The following NUDT1 variants were observed in gnomAD, a reference collection of about 807,000 sequenced individuals.
NUDT1 encodes oxidized purine nucleoside triphosphate hydrolase.
A neutral mutation model predicts 11.3 loss-of-function variants in NUDT1; 16 were observed. That is an observed-to-expected ratio of 1.41 (90% confidence interval 0.96 to 2.15). The LOEUF is 2.15. Among genes scored for constraint, NUDT1 ranks in the 30% most tolerant of loss-of-function variants. NUDT1 has a pLI of 0.00. For synonymous variants in NUDT1, 101 were observed against 84.4 expected (o/e 1.20, Z -1.08); for missense variants, 234 against 208.4 (o/e 1.12, Z -0.76).
chr7:2,248,788 G>A (rs34829180), intron 2 of NUDT1, among the ~76,000 whole-genome samples: 4,292 of 152,230 alleles, frequency 0.028, 78 homozygotes, highest in Middle Eastern at 0.099. Flanking sequence ...CGGAGCTCAA[G>A]CAATCAATCC....
chr7:2,242,853 A>C, intron 1 of NUDT1: 1 of 682,536 alleles, frequency 1.5e-6, no homozygotes, highest in Non-Finnish European at 2.7e-6. Context: ...TTAGCCTTGT[A>C]GGTGGCTTGT....
At chr7:2,242,996 G>A (rs1308570201) in intron 1 of NUDT1, 2 of 717,068 alleles carry the variant, frequency 2.8e-6, no homozygotes, top group Non-Finnish European at 5.2e-6. Context: ...GGTTTTATGA[G>A]TGGAATTAGC....
intron 1 of NUDT1, among the ~76,000 whole-genome samples, chr7:2,243,340 G>A (rs1157116337): frequency 1.3e-5 from 2 of 152,160 alleles, no homozygotes; most frequent in Non-Finnish European, 2.9e-5. Context: ...GTGGAGCCCT[G>A]GCCAGAGACC....
intron 1 of NUDT1, among the ~76,000 whole-genome samples, chr7:2,243,557 G>A (rs984239959): frequency 6.6e-6 from 1 of 152,012 alleles, no homozygotes; most frequent in Non-Finnish European, 1.5e-5. Context: ...TGGATCGCTT[G>A]AGCTCAGGAG....
In NUDT1 at chr7:2,244,721, T is replaced by C. The variant is rs1232759189; in HGVS notation, c.147T>C (p.Ala49=). ...VQEGETIEDG[A]RRELQEESGL... is the part of the protein sequence containing the mutation. ...AAGGAGAGACCATCGAGGATGGGGCTAGGAGGTAAGGATGGGGCAGGTCTG... is the reference window on the plus strand; with the variant it reads ...AAGGAGAGACCATCGAGGATGGGGCCAGGAGGTAAGGATGGGGCAGGTCTG... The change falls in exon 2 of 4, where the codon GCT becomes GCC. Residue 49 remains alanine, a synonymous_variant. Coordinates refer to ENST00000356714, the MANE Select transcript of NUDT1 (RefSeq NM_002452.4). 3.1e-6 allele frequency: 5 copies of C among 1,609,236 alleles called. No homozygotes were observed. Among genetic ancestry groups the C allele is most frequent in the Non-Finnish European group, 4.2e-6 (5 of 1,178,378 alleles).
Position 2,244,631 on chromosome 7 carries a change from C to G in NUDT1, c.57C>G (p.Leu19=), listed in dbSNP as rs756823182. 1.9e-6 allele frequency: 3 copies of G among 1,613,866 alleles called. No homozygotes were observed. In the East Asian group the frequency reaches 6.7e-5, roughly 36 times the overall value. Residue 19 remains leucine, a synonymous_variant, in exon 2 of 4, where the codon CTC becomes CTG. Coordinates refer to ENST00000356714, the MANE Select transcript of NUDT1 (RefSeq NM_002452.4). ...TGGTCCTGCAGCCTCAGCGAGTTCT[C>G]CTGGGCATGAAAAAGCGAGGCTTCG... ...LVLVLQPQRV[L]LGMKKRGFGA... is the part of the protein sequence containing the mutation.
At chr7:2,242,420 A>G (rs2115047867) in intron 1 of NUDT1, 164 bp downstream of exon 1, 1 of 491,978 alleles carries the variant, frequency 2.0e-6, no homozygotes, top group Admixed American at 4.0e-5. Context: ...CTCGAGGGAG[A>G]CGAGGAGAGC....
At chr7:2,244,753 G>A (rs963004798) in intron 2 of NUDT1, 27 bp downstream of exon 2, 1 of 1,593,664 alleles carries the variant, frequency 6.3e-7, no homozygotes, top group Non-Finnish European at 8.5e-7. Flanking sequence ...TCTGGCCATA[G>A]AACCGGCTTT....
chr7:2,248,547 CTTTTT>C (rs11393832), intron 2 of NUDT1, among the ~76,000 whole-genome samples: 37 of 122,576 alleles, frequency 3.0e-4, no homozygotes, highest in Admixed American at 1.5e-3. Flanking sequence ...ATGATGTTTG[CTTTTT>C]TTTTTTTTTT....
chr7:2,242,712 G>C (rs1025916232), intron 1 of NUDT1: 7 of 425,748 alleles, frequency 1.6e-5, no homozygotes, highest in Admixed American at 1.1e-4. Context: ...TCAGTGCCCC[G>C]CTTCTCAAGC....
rs4866 is a variant in NUDT1, at chr7:2,249,951, G to A, written c.247G>A (p.Val83Met). The change falls in exon 3 of 4, where the codon GTG (valine) becomes ATG (methionine). Residue 83 changes from valine (V) to methionine (M), a missense_variant. Val to Met is a conservative substitution (Grantham distance 21). Transcript: ENST00000356714. ...EFVGEPELMD[V>M]HVFCTDSIQG... ...CGTGGGCGAGCCTGAGCTCATGGAC[G>A]TGCATGTCTTCTGCACAGACAGCAT... 0.014 allele frequency: 22,781 copies of A among 1,614,176 alleles called. 475 individuals are homozygous for A. The highest frequency in any genetic ancestry group is 0.066 in the East Asian group (2,965 of 44,880).
chr7:2,243,247 G>A (rs538951299), intron 1 of NUDT1, among the ~76,000 whole-genome samples: 1 of 152,166 alleles, frequency 6.6e-6, no homozygotes. Flanking sequence ...GGACGGGGAC[G>A]TGGCGGGCTC....
chr7:2,246,744 G>A (rs1178557483), intron 2 of NUDT1, among the ~76,000 whole-genome samples: 2 of 152,182 alleles, frequency 1.3e-5, no homozygotes, highest in African/African-American at 2.4e-5. Context: ...GGTTTGAGGG[G>A]GGGAACTGAG....
rs757129408 is a variant in NUDT1, at chr7:2,244,682, G to A, written c.108G>A (p.Gly36=). The change falls in exon 2 of 4, where the codon GGG becomes GGA. Residue 36 remains glycine, a synonymous_variant. Coordinates refer to ENST00000356714, the MANE Select transcript of NUDT1 (RefSeq NM_002452.4). Reference sequence around the variant, plus strand: ...GGGCCGGCCGGTGGAATGGCTTTGGGGGCAAAGTGCAAGAAGGAGAGACCA... The same window carrying A: ...GGGCCGGCCGGTGGAATGGCTTTGGAGGCAAAGTGCAAGAAGGAGAGACCA... ...GFGAGRWNGF[G]GKVQEGETIE... is the part of the protein sequence containing the mutation. 6.2e-7 allele frequency: 1 copy of A among 1,613,290 alleles called. No homozygotes were observed. Among genetic ancestry groups the A allele is most frequent in the Admixed American group, 1.7e-5 (1 of 59,880 alleles).
intron 2 of NUDT1, among the ~76,000 whole-genome samples, chr7:2,245,822 G>A (rs1354981185): frequency 6.7e-6 from 1 of 150,218 alleles, no homozygotes; most frequent in Non-Finnish European, 1.5e-5. Context: ...GCAGGTGTGG[G>A]CCACTGGCTT....
At chr7:2,242,637 A>C (rs976421611) in intron 1 of NUDT1, 5 of 344,080 alleles carry the variant, frequency 1.5e-5, no homozygotes, top group Admixed American at 4.4e-5. Context: ...ACCCAGTCTC[A>C]GTGAAATGGG....
Position 2,251,053 on chromosome 7 carries a change from A to G in NUDT1, c.*52A>G. ...GGAGACGTGGCTGCTGAACAGCCGCAAACCATCTTCACCTGGGGGCATTGA... is the reference window on the plus strand; with the variant it reads ...GGAGACGTGGCTGCTGAACAGCCGCGAACCATCTTCACCTGGGGGCATTGA... On this transcript the variant is annotated 3_prime_UTR_variant, in exon 4 of 4. Coordinates refer to ENST00000356714, the MANE Select transcript of NUDT1 (RefSeq NM_002452.4). 1 of 1,582,706 alleles carries G rather than the reference A, an allele frequency of 6.3e-7. No individual in the cohort carries two copies. The highest frequency in any genetic ancestry group is 8.7e-7 in the Non-Finnish European group (1 of 1,153,228).
At chr7:2,246,503 C>T (rs1218068821) in intron 2 of NUDT1, among the ~76,000 whole-genome samples, 1 of 152,168 alleles carries the variant, frequency 6.6e-6, no homozygotes, top group East Asian at 1.9e-4. Flanking sequence ...GAGCAGGCAG[C>T]GGTGCTGAGG....
At position 2,242,262 on chromosome 7, in the gene NUDT1, A is replaced by T; in HGVS notation, c.-13+6A>T. On this transcript the variant is annotated splice_donor_region_variant and intron_variant, in intron 1 of 3. Transcript: ENST00000356714. The stretch of plus-strand genomic sequence containing the variant: ...CCCCGGAAGCGGCGGTGCAGGTACG[A>T]AAAGCGCGCGCGGGGATTCCAGGAG... The T allele has an allele frequency of 1.5e-6, 2 of 1,303,278 alleles. No homozygotes were observed. The highest frequency in any genetic ancestry group is 2.1e-6 in the Non-Finnish European group (2 of 974,634). The allele number at this position is 1,303,278 out of a possible 1,614,324, so 80.7% of individuals were successfully genotyped here. A position where few individuals can be genotyped will look rare whatever the true frequency, so the allele number is the denominator to read the frequency against.
Sources: gnomAD v4.1 joint callset for allele counts (sites outside exome capture counted in the v4.1 genomes callset) on GRCh38, gnomAD v4.1.1 for gene constraint, MANE v1.5 for transcripts, NCBI Gene and HGNC (gene_info 2026-07-23, HGNC 2026-07-21) for gene names.